Variants in KIAA1958 observed in about 807,000 individuals in gnomAD.
KIAA1958 encodes the protein uncharacterized protein KIAA1958.
KIAA1958 carries 14 observed loss-of-function variants against 47.2 expected under a neutral mutation model. The ratio of observed to expected loss-of-function variants is 0.30; its 90% CI spans 0.20 to 0.46. KIAA1958 has a LOEUF of 0.46. Among genes scored for constraint, KIAA1958 ranks in the 20% least tolerant of loss-of-function variants. KIAA1958 has a pLI of 1.00. For missense variants in KIAA1958, 803 were observed against 909.2 expected (o/e 0.88, Z 1.50); for synonymous variants, 354 against 353.3 (o/e 1.00, Z -0.02).
At chr9:112,534,647 G>A (rs951457028) in intron 1 of KIAA1958, among the ~76,000 whole-genome samples, 2 of 151,804 alleles carry the variant, frequency 1.3e-5, no homozygotes, top group South Asian at 4.2e-4. Flanking sequence ...GGGTTCAAGC[G>A]ATTCTCCTGC....
At chr9:112,633,006 G>A (rs946232464) in intron 2 of KIAA1958, among the ~76,000 whole-genome samples, 1 of 151,014 alleles carries the variant, frequency 6.6e-6, no homozygotes, top group African/African-American at 2.4e-5. Flanking sequence ...TGCTTTTCCA[G>A]CTCAACCAAT....
intron 2 of KIAA1958, among the ~76,000 whole-genome samples, chr9:112,594,898 A>G (rs951399342): frequency 6.6e-6 from 1 of 152,196 alleles, no homozygotes; most frequent in East Asian, 1.9e-4. Flanking sequence ...ATGTGTTGCT[A>G]TCTGACTTTT....
At chr9:112,621,101 T>C (rs532416262) in intron 2 of KIAA1958, among the ~76,000 whole-genome samples, 21 of 152,148 alleles carry the variant, frequency 1.4e-4, no homozygotes, top group Non-Finnish European at 2.5e-4. Flanking sequence ...TCATCATTAA[T>C]TTCCAGTGGT....
At chr9:112,621,018 G>T (rs1459928633) in intron 2 of KIAA1958, among the ~76,000 whole-genome samples, 1 of 151,950 alleles carries the variant, frequency 6.6e-6, no homozygotes, top group Non-Finnish European at 1.5e-5. Context: ...AGTCAATTAG[G>T]TCATAGCTAA....
In KIAA1958 at chr9:112,645,266, C is replaced by T. The variant is rs528001533; in HGVS notation, c.1172-384C>T. Among the ~76,000 whole-genome samples, 291 of 151,974 alleles carry T rather than the reference C, an allele frequency of 1.9e-3. 2 individuals carry two copies. The highest frequency in any genetic ancestry group is 6.9e-3 in the African/African-American group (287 of 41,508). On this transcript the variant is annotated intron_variant, in intron 2 of 3. Coordinates refer to ENST00000337530, the MANE Select transcript of KIAA1958 (RefSeq NM_133465.4). Reference sequence around the variant, plus strand: ...CTAAGGGTATATCATTTTTTATTTGCTTTCTCTTTCTTCCTTTTGATTGTT... The same window carrying T: ...CTAAGGGTATATCATTTTTTATTTGTTTTCTCTTTCTTCCTTTTGATTGTT...
intron 1 of KIAA1958, among the ~76,000 whole-genome samples, chr9:112,569,537 G>T (rs747563424): frequency 1.1e-4 from 17 of 152,016 alleles, no homozygotes; most frequent in Admixed American, 3.3e-4. Context: ...TAGCCAATCA[G>T]CTCATCTGAA....
chr9:112,573,920 G>A, intron 1 of KIAA1958, 137 bp from the exon 2 acceptor site: 1 of 510,112 alleles, frequency 2.0e-6, no homozygotes, highest in African/African-American at 1.9e-5. Context: ...CTCATCTACA[G>A]CGACCTTAAC....
chr9:112,625,731 G>C (rs1039888486), intron 2 of KIAA1958, among the ~76,000 whole-genome samples: 3 of 152,212 alleles, frequency 2.0e-5, no homozygotes, highest in African/African-American at 7.2e-5. Flanking sequence ...TCTTGAATGT[G>C]ACATTTCACT....
At position 112,584,284 on chromosome 9, in the gene KIAA1958, TGA is replaced by T. The variant is rs549247444; in HGVS notation, c.1171+9034_1171+9035del. 6.2e-4 allele frequency among the ~76,000 whole-genome samples: 95 copies of T among 152,310 alleles called. 1 individual carries two copies. The highest frequency in any genetic ancestry group is 3.4e-3 in the Middle Eastern group (1 of 294). On this transcript the variant is annotated intron_variant, in intron 2 of 3. Transcript: ENST00000337530. ...TGCTAATAAAGCAATTCTATAGGGTTGATATATATATAGATTAAGTTGAGCTA... is the reference window on the plus strand; with the variant it reads ...TGCTAATAAAGCAATTCTATAGGGTTTATATATATAGATTAAGTTGAGCTA...
chr9:112,591,273 A>G (rs1273364289), intron 2 of KIAA1958, among the ~76,000 whole-genome samples: 1 of 151,826 alleles, frequency 6.6e-6, no homozygotes. Flanking sequence ...TTTAGTAGAG[A>G]CGGAGTTTCA....
chr9:112,545,829 T>TTTG lies in KIAA1958; in HGVS notation c.-24-28226_-24-28225insGTT, dbSNP rs1564166948. ...TAGTGATACACAGGTTTCTTTGTTT[T>TTTG]TTTTTTTTTTTTTTTTTAGTGAATT... On this transcript the variant is annotated intron_variant, in intron 1 of 3. Transcript: ENST00000337530. Among the ~76,000 whole-genome samples the TTTG allele has an allele frequency of 4.1e-4, 60 of 147,650 alleles. 1 individual carries two copies. The highest frequency in any genetic ancestry group is 1.4e-3 in the African/African-American group (56 of 39,452).
intron 1 of KIAA1958, among the ~76,000 whole-genome samples, chr9:112,495,086 A>T (rs1046255944): frequency 4.8e-5 from 7 of 145,276 alleles, no homozygotes; most frequent in Admixed American, 6.9e-5. Flanking sequence ...TACCAGCTGA[A>T]TTTTTTTTTT....
intron 3 of KIAA1958, among the ~76,000 whole-genome samples, chr9:112,650,439 G>A (rs1837038418): frequency 6.6e-6 from 1 of 152,178 alleles, no homozygotes; most frequent in African/African-American, 2.4e-5. Flanking sequence ...GTGGATGAAT[G>A]AAAGGGTAGT....
At chr9:112,593,687 A>T (rs1208361714) in intron 2 of KIAA1958, among the ~76,000 whole-genome samples, 1 of 151,952 alleles carries the variant, frequency 6.6e-6, no homozygotes, top group Non-Finnish European at 1.5e-5. Context: ...TGCTGAGTAC[A>T]GGTGTGAGCC....
chr9:112,604,974 ATT>A (rs914969385), intron 2 of KIAA1958, among the ~76,000 whole-genome samples: 28 of 147,358 alleles, frequency 1.9e-4, no homozygotes, highest in Non-Finnish European at 3.7e-4. Flanking sequence ...ATTTTTATAT[ATT>A]ATATATTTTA....
In KIAA1958 at chr9:112,555,175, G is replaced by A. The variant is rs576055026; in HGVS notation, c.-24-18882G>A. ...GACTGTCCCCAAACTGGAGCAGCAA[G>A]GCCTGGTTTGGAGGTGGTAGGCGTG... is the stretch of plus-strand genomic sequence containing the variant. On this transcript the variant is annotated intron_variant, in intron 1 of 3. Coordinates refer to ENST00000337530, the MANE Select transcript of KIAA1958 (RefSeq NM_133465.4). Among the ~76,000 whole-genome samples the A allele has an allele frequency of 5.9e-5, 9 of 152,298 alleles. No homozygotes were observed. In the South Asian group the frequency reaches 1.7e-3, roughly 28 times the overall value.
chr9:112,625,866 T>A (rs182605354), intron 2 of KIAA1958, among the ~76,000 whole-genome samples: 1 of 152,338 alleles, frequency 6.6e-6, no homozygotes, highest in East Asian at 1.9e-4. Flanking sequence ...AATTTATATT[T>A]AGTTTTCAGT....
intron 2 of KIAA1958, among the ~76,000 whole-genome samples, chr9:112,609,342 A>G (rs1452066233): frequency 1.3e-5 from 2 of 152,210 alleles, no homozygotes; most frequent in Admixed American, 6.5e-5. Context: ...TAATCAGATA[A>G]CTAACAAAGC....
Position 112,545,825 on chromosome 9 carries a change from G to GTGTTTTTTTTTTTTTTT in KIAA1958, c.-24-28231_-24-28230insGTTTTTTTTTTTTTTTT, listed in dbSNP as rs60211721. Among the ~76,000 whole-genome samples, 6 of 93,050 alleles carry GTGTTTTTTTTTTTTTTT rather than the reference G, an allele frequency of 6.4e-5. 1 individual carries two copies. The highest frequency in any genetic ancestry group is 1.0e-4 in the Non-Finnish European group (5 of 47,918). 61.0% of individuals were successfully genotyped at this position (93,050 alleles called of 152,430 possible). On this transcript the variant is annotated intron_variant, in intron 1 of 3. Coordinates refer to ENST00000337530, the MANE Select transcript of KIAA1958 (RefSeq NM_133465.4). ...TCTTTAGTGATACACAGGTTTCTTT[G>GTGTTTTTTTTTTTTTTT]TTTTTTTTTTTTTTTTTTTTTAGTG...
Sources: gnomAD v4.1 joint callset for allele counts (sites outside exome capture counted in the v4.1 genomes callset) on GRCh38, gnomAD v4.1.1 for gene constraint, MANE v1.5 for transcripts, NCBI Gene and HGNC (gene_info 2026-07-23, HGNC 2026-07-21) for gene names.